The following KCNIP1 variants were observed in gnomAD, a reference collection of about 807,000 sequenced individuals.
KCNIP1 encodes A-type potassium channel modulatory protein KCNIP1.
Under a neutral mutation model 33.0 loss-of-function variants are expected in KCNIP1, and 18 were observed. That is an observed-to-expected ratio of 0.55 (90% CI 0.38 to 0.81). The LOEUF (loss-of-function observed/expected upper bound fraction) is 0.81. Ranked by LOEUF, KCNIP1 falls within the 30% of genes least tolerant of loss-of-function variation. The pLI is 0.00. For synonymous variants in KCNIP1, 93 were observed against 98.3 expected (o/e 0.95, Z 0.32); for missense variants, 238 against 271.6 (o/e 0.88, Z 0.87).
At chr5:170,537,318 G>A (rs1756027689) in intron 1 of KCNIP1, among the ~76,000 whole-genome samples, 1 of 152,192 alleles carries the variant, frequency 6.6e-6, no homozygotes, top group Non-Finnish European at 1.5e-5. Flanking sequence ...GTAAAATGAG[G>A]AAAATAGCAT....
chr5:170,725,427 A>T (rs996140665), intron 5 of KCNIP1, among the ~76,000 whole-genome samples: 1 of 152,178 alleles, frequency 6.6e-6, no homozygotes, highest in African/African-American at 2.4e-5. Context: ...GCACAGAAAG[A>T]CAAACATCCC....
chr5:170,460,198 A>G (rs942848848), intron 1 of KCNIP1, among the ~76,000 whole-genome samples: 3 of 152,148 alleles, frequency 2.0e-5, no homozygotes, highest in African/African-American at 7.2e-5. Context: ...ATGGTAATTA[A>G]AAAATTACCA....
chr5:170,357,435 A>T (rs962583947), intron 1 of KCNIP1, among the ~76,000 whole-genome samples: 12 of 152,208 alleles, frequency 7.9e-5, no homozygotes, highest in African/African-American at 2.4e-4. Context: ...CCTCTCACTC[A>T]TTACTTGTTT....
intron 1 of KCNIP1, among the ~76,000 whole-genome samples, chr5:170,412,287 T>C (rs568851358): frequency 1.3e-5 from 2 of 152,132 alleles, no homozygotes; most frequent in South Asian, 2.1e-4. Context: ...GTAGACTCTA[T>C]AGGGGAAAAG....
chr5:170,562,897 C>T (rs978732630), intron 1 of KCNIP1, among the ~76,000 whole-genome samples: 1 of 152,288 alleles, frequency 6.6e-6, no homozygotes, highest in South Asian at 2.1e-4. Context: ...TCTGCAGTCT[C>T]GAGCCCCAAG....
At chr5:170,701,563 A>C (rs1763100950) in intron 1 of KCNIP1, among the ~76,000 whole-genome samples, 1 of 152,144 alleles carries the variant, frequency 6.6e-6, no homozygotes, top group Non-Finnish European at 1.5e-5. Flanking sequence ...CAAACTATGC[A>C]AGTCTTCCAG....
rs1342192494 is a variant in KCNIP1, at chr5:170,556,252, T to C, written c.61+51619T>C. ...GTGAGGCCAGTTGGTCTTGACAGTT[T>C]GTCAAAATCGCTGTGCTAGAAAACC... On this transcript the variant is annotated intron_variant, in intron 1 of 7. Transcript: ENST00000328939. Among the ~76,000 whole-genome samples, 13 of 152,312 alleles carry C rather than the reference T, an allele frequency of 8.5e-5. No homozygotes were observed. The East Asian group carries it at 1.7e-3, about 20-fold the overall frequency.
intron 1 of KCNIP1, among the ~76,000 whole-genome samples, chr5:170,411,022 AT>A (rs1755171665): frequency 6.6e-6 from 1 of 152,206 alleles, no homozygotes; most frequent in South Asian, 2.1e-4. Flanking sequence ...CACCCAGTGA[AT>A]GTGATTTTAG....
intron 5 of KCNIP1, among the ~76,000 whole-genome samples, chr5:170,723,486 C>T (rs1394149273): frequency 1.3e-5 from 2 of 152,176 alleles, no homozygotes; most frequent in African/African-American, 2.4e-5. Context: ...TAACACTCCA[C>T]TTGCTGAGCT....
chr5:170,512,911 G>T (rs146873763), intron 1 of KCNIP1, among the ~76,000 whole-genome samples: 1 of 152,188 alleles, frequency 6.6e-6, no homozygotes, highest in African/African-American at 2.4e-5. Flanking sequence ...TTAGCCAGGC[G>T]TGGTGGCGGG....
chr5:170,694,242 A>G (rs1262749875), intron 1 of KCNIP1, among the ~76,000 whole-genome samples: 1 of 152,244 alleles, frequency 6.6e-6, no homozygotes, highest in Non-Finnish European at 1.5e-5. Flanking sequence ...AATTTTGAAT[A>G]ATATAGCCAT....
intron 1 of KCNIP1, among the ~76,000 whole-genome samples, chr5:170,384,730 C>A (rs1764394986): frequency 6.6e-6 from 1 of 152,198 alleles, no homozygotes; most frequent in East Asian, 1.9e-4. Context: ...CACAGCTTTT[C>A]CTTAAAATCT....
chr5:170,722,010 C>A, intron 4 of KCNIP1, 107 bp downstream of exon 4: 4 of 1,285,444 alleles, frequency 3.1e-6, no homozygotes, highest in South Asian at 2.7e-5. Flanking sequence ...AGCTCTCAGT[C>A]AGACCAAAGA....
In KCNIP1 at chr5:170,634,611, G is replaced by C. The variant is rs546438834; in HGVS notation, c.62-84147G>C. On this transcript the variant is annotated intron_variant, in intron 1 of 7. Coordinates refer to ENST00000328939, the MANE Select transcript of KCNIP1 (RefSeq NM_014592.4). ...ACATGAGCTCTCCCAGGGAGTGTGT[G>C]TGTGTAAAGAGGGAAGAAAAGAGCA... is the stretch of plus-strand genomic sequence containing the variant. Among the ~76,000 whole-genome samples, 599 of 152,302 alleles carry C rather than the reference G, an allele frequency of 3.9e-3. 7 individuals are homozygous for C. The highest frequency in any genetic ancestry group is 0.024 in the Middle Eastern group (7 of 294).
At chr5:170,674,216 G>T (rs2113777871) in intron 1 of KCNIP1, among the ~76,000 whole-genome samples, 1 of 149,018 alleles carries the variant, frequency 6.7e-6, no homozygotes, top group South Asian at 2.2e-4. Context: ...AGGGAAGGAG[G>T]GAAATATTTA....
chr5:170,451,791 C>CT (rs1756261236), intron 1 of KCNIP1, among the ~76,000 whole-genome samples: 1 of 136,550 alleles, frequency 7.3e-6, no homozygotes, highest in East Asian at 2.0e-4. Context: ...AAGATGCAAG[C>CT]TTTGCTGTCC....
chr5:170,735,444 A>C (rs1429752887), intron 7 of KCNIP1, among the ~76,000 whole-genome samples: 1 of 152,232 alleles, frequency 6.6e-6, no homozygotes, highest in Non-Finnish European at 1.5e-5. Context: ...AGTGTAATTA[A>C]TCACATTAAT....
At chr5:170,582,565 G>C (rs1434251001) in intron 1 of KCNIP1, among the ~76,000 whole-genome samples, 1 of 152,208 alleles carries the variant, frequency 6.6e-6, no homozygotes, top group Non-Finnish European at 1.5e-5. Flanking sequence ...TGCTGCTAGA[G>C]AGCACATAGG....
chr5:170,682,784 C>CTTTTTTTTTTTTTTGTTTTTTTTTTTTT, intron 1 of KCNIP1, among the ~76,000 whole-genome samples: 1 of 71,402 alleles, frequency 1.4e-5, no homozygotes, highest in Non-Finnish European at 2.4e-5. Flanking sequence ...TTCTTTGTTT[C>CTTTTTTTTTTTTTTGTTTTTTTTTTTTT]TTTTTTTTTT....
Sources: allele counts gnomAD v4.1 joint callset (sites outside exome capture counted in the v4.1 genomes callset), GRCh38; gene constraint gnomAD v4.1.1; transcripts MANE v1.5; gene names NCBI Gene and HGNC (gene_info 2026-07-23, HGNC 2026-07-21).